The following GTF2IRD2 variants were observed in gnomAD, a reference collection of about 807,000 sequenced individuals.
GTF2IRD2 encodes the protein general transcription factor II-I repeat domain-containing protein 2A.
In GTF2IRD2, 8 loss-of-function variants were observed where a neutral mutation model predicts 49.2. The observed-to-expected ratio is 0.16, with a 90% CI of 0.10 to 0.29. The LOEUF (loss-of-function observed/expected upper bound fraction) is 0.29. Among genes scored for constraint, GTF2IRD2 ranks in the 10% least tolerant of loss-of-function variants. The pLI, the probability that GTF2IRD2 is intolerant of heterozygous loss-of-function variation, is 1.00. For missense variants in GTF2IRD2, 130 were observed against 725.7 expected (o/e 0.18, Z 9.43); for synonymous variants, 47 against 289.7 (o/e 0.16, Z 8.51).
chr7:74,813,377 C>CA (rs782221011), intron 8 of GTF2IRD2, among the ~76,000 whole-genome samples: 134 of 5,834 alleles, frequency 0.023, 25 homozygotes, highest in Admixed American at 0.034. Flanking sequence ...GACTCCATCT[C>CA]AAAAAAAAAA....
At chr7:74,830,380 T>C (rs1224940576) in intron 3 of GTF2IRD2, among the ~76,000 whole-genome samples, 1 of 147,696 alleles carries the variant, frequency 6.8e-6, no homozygotes, top group African/African-American at 2.5e-5. Flanking sequence ...AGCAGATGCC[T>C]GTAATCTCAG....
chr7:74,837,165 G>T (rs1422519101), intron 1 of GTF2IRD2, among the ~76,000 whole-genome samples: 1 of 16,486 alleles, frequency 6.1e-5, no homozygotes, highest in Non-Finnish European at 1.2e-4. Flanking sequence ...ACAGGCGTAA[G>T]CCACCGTGCC....
intron 3 of GTF2IRD2, among the ~76,000 whole-genome samples, chr7:74,831,578 A>G (rs1255066870): frequency 2.1e-5 from 3 of 141,280 alleles, no homozygotes; most frequent in Non-Finnish European, 4.6e-5. Context: ...TCTGATTTTT[A>G]TCCTTTCATG....
At chr7:74,847,266 T>A (rs1801370978) in intron 1 of GTF2IRD2, among the ~76,000 whole-genome samples, 1 of 20,656 alleles carries the variant, frequency 4.8e-5, no homozygotes, top group Non-Finnish European at 8.7e-5. Flanking sequence ...ATTATAGGCG[T>A]GAGCCACCAC....
chr7:74,840,726 C>T (rs1207396875), intron 1 of GTF2IRD2, among the ~76,000 whole-genome samples: 3 of 135,000 alleles, frequency 2.2e-5, no homozygotes, highest in African/African-American at 6.2e-5. Context: ...AGGCAGGTGA[C>T]GCCAGCTTAG....
chr7:74,797,645 C>T lies in GTF2IRD2; in HGVS notation c.1867G>A (p.Ala623Thr), dbSNP rs1554416432. ...LVSVASTGTP[A>T]MVDANNGLVT... is the part of the protein sequence containing the mutation. Reference sequence around the variant, plus strand: ...AGCCCGTTATTGGCATCCACCATCGCTGGGGTGCCAGTGGAGGCCACGCTT... The same window carrying T: ...AGCCCGTTATTGGCATCCACCATCGTTGGGGTGCCAGTGGAGGCCACGCTT... The change falls in exon 16 of 16, where the codon GCG becomes ACG. Residue 623 changes from alanine to threonine, a missense_variant. By Grantham distance (58) the Ala-to-Thr change is moderately conservative. Coordinates refer to ENST00000451013, the MANE Select transcript of GTF2IRD2 (RefSeq NM_173537.5). 1 of 1,606,094 alleles carries T rather than the reference C, an allele frequency of 6.2e-7. No individual in the cohort carries two copies. The highest frequency in any genetic ancestry group is 1.1e-5 in the South Asian group (1 of 90,620).
At position 74,842,384 on chromosome 7, in the gene GTF2IRD2, C is replaced by G. The variant is rs587704859; in HGVS notation, c.-5-6001G>C. Among the ~76,000 whole-genome samples the G allele has an allele frequency of 2.3e-4, 31 of 134,514 alleles. 2 individuals are homozygous for G. Among genetic ancestry groups the G allele is most frequent in the African/African-American group, 8.1e-4 (27 of 33,182 alleles). 88.2% of individuals were successfully genotyped at this position (134,514 alleles called of 152,430 possible). ...AGCTAGGATTACAGGCGTGCACCAC[C>G]ATGCCCAGCTAATTTTTTGTATTTG... is the stretch of plus-strand genomic sequence containing the variant. On this transcript the variant is annotated intron_variant, in intron 1 of 15. Coordinates refer to ENST00000451013, the MANE Select transcript of GTF2IRD2 (RefSeq NM_173537.5).
At chr7:74,836,859 C>T (rs1399711408) in intron 1 of GTF2IRD2, among the ~76,000 whole-genome samples, 32 of 145,874 alleles carry the variant, frequency 2.2e-4, no homozygotes, top group Admixed American at 6.7e-4. Flanking sequence ...AGCCACCACA[C>T]CCAACCCTGC....
At chr7:74,836,714 C>T (rs1435047910) in intron 1 of GTF2IRD2, among the ~76,000 whole-genome samples, 2 of 152,372 alleles carry the variant, frequency 1.3e-5, no homozygotes, top group Non-Finnish European at 2.9e-5. Flanking sequence ...TACAGGTGAG[C>T]GCCATCACGC....
intron 1 of GTF2IRD2, 65 bp downstream of exon 1, chr7:74,851,302 G>A (rs1262199307): frequency 2.2e-5 from 1 of 46,074 alleles, no homozygotes; most frequent in Non-Finnish European, 3.7e-5. Flanking sequence ...GCCCTCAGGA[G>A]GAGGACGTTC....
chr7:74,815,862 G>GA (rs1289257098), intron 8 of GTF2IRD2, among the ~76,000 whole-genome samples: 1 of 87,694 alleles, frequency 1.1e-5, no homozygotes, highest in Non-Finnish European at 2.4e-5. Flanking sequence ...AAGAAAGAAA[G>GA]AAAGAGAAAA....
At chr7:74,848,523 ACT>A (rs1554422671) in intron 1 of GTF2IRD2, among the ~76,000 whole-genome samples, 1 of 139,400 alleles carries the variant, frequency 7.2e-6, no homozygotes, top group African/African-American at 2.8e-5. Context: ...CCTGGGTAGG[ACT>A]CTGTCTCAAG....
At chr7:74,824,079 T>G (rs1799158923) in intron 4 of GTF2IRD2, among the ~76,000 whole-genome samples, 1 of 105,534 alleles carries the variant, frequency 9.5e-6, no homozygotes. Context: ...GGCAGGAAAA[T>G]GGCAGGAACC....
At chr7:74,819,908 T>C (rs1798804110) in intron 7 of GTF2IRD2, 61 bp downstream of exon 7, 1 of 1,595,208 alleles carries the variant, frequency 6.3e-7, no homozygotes, top group Admixed American at 1.7e-5. Flanking sequence ...GGCCTTTCTG[T>C]CATCCAAAAA....
In GTF2IRD2 at chr7:74,839,828, AC is replaced by A. The variant is rs781922378; in HGVS notation, c.-5-3446del. ...AGACCAGCCTGGCCAACATGGTGAG[AC>A]CCCCCCCTTCTCTACTAAAAATTAG... On this transcript the variant is annotated intron_variant, in intron 1 of 15. Coordinates refer to ENST00000451013, the MANE Select transcript of GTF2IRD2 (RefSeq NM_173537.5). 5.1e-4 allele frequency among the ~76,000 whole-genome samples: 39 copies of A among 75,860 alleles called. 1 individual carries two copies. Among genetic ancestry groups the A allele is most frequent in the Middle Eastern group, 0.02 (2 of 100 alleles). 49.8% of individuals were successfully genotyped at this position (75,860 alleles called of 152,430 possible). A position where few individuals can be genotyped will look rare whatever the true frequency, so the allele number is the denominator to read the frequency against.
Position 74,797,439 on chromosome 7 carries a change from G to T in GTF2IRD2, c.2073C>A (p.Phe691Leu). The T allele has an allele frequency of 2.5e-6, 4 of 1,610,688 alleles. No individual in the cohort carries two copies. The highest frequency in any genetic ancestry group is 3.4e-6 in the Non-Finnish European group (4 of 1,179,326). ...TGTCCAGCTCATAGAGCAAGGTTGT[G>T]AACTCACTGTGGTTCAGTCCCCGGG... The part of the protein sequence containing the change: ...ICSRGLNHSE[F>L]TTLLYELDSQ... The change falls in exon 16 of 16, where the codon TTC (phenylalanine) becomes TTA (leucine). Residue 691 changes from phenylalanine to leucine, a missense_variant. By Grantham distance (22) the Phe-to-Leu change is conservative. Coordinates refer to ENST00000451013, the MANE Select transcript of GTF2IRD2 (RefSeq NM_173537.5).
In GTF2IRD2 at chr7:74,796,249, T is replaced by C. The variant is rs1276142662; in HGVS notation, c.*413A>G. ...TTCTGATTCAAAGTGGAAAAAAAAC[T>C]GAAAAAAAAAAAAGTTTAAGAACTC... On this transcript the variant is annotated 3_prime_UTR_variant, in exon 16 of 16. Coordinates refer to ENST00000451013, the MANE Select transcript of GTF2IRD2 (RefSeq NM_173537.5). 4.0e-6 allele frequency: 1 copy of C among 248,022 alleles called. No individual in the cohort carries two copies. Among genetic ancestry groups the C allele is most frequent in the African/African-American group, 2.4e-5 (1 of 42,406 alleles). 15.4% of individuals were successfully genotyped at this position (248,022 alleles called of 1,614,324 possible). A position where few individuals can be genotyped will look rare whatever the true frequency, so the allele number is the denominator to read the frequency against.
intron 6 of GTF2IRD2, 158 bp downstream of exon 6, chr7:74,822,269 G>A (rs1284704227): frequency 1.8e-5 from 20 of 1,138,834 alleles, no homozygotes; most frequent in South Asian, 2.5e-5. Context: ...CAGGATGGTC[G>A]CGATCTCCTG....
rs1452941716 is a variant in GTF2IRD2, at chr7:74,851,546, T to TTTCC, written c.-189_-186dup. Reference sequence around the variant, plus strand: ...TCGCCCTCCTTTTTCTCTTTCTTTCTTTCCCCCCCTTTTCCCCCCTTTTTT... The same window carrying TTTCC: ...TCGCCCTCCTTTTTCTCTTTCTTTCTTTCCTTCCCCCCCTTTTCCCCCCTTTTTT... On this transcript the variant is annotated 5_prime_UTR_variant, in exon 1 of 16. Coordinates refer to ENST00000451013, the MANE Select transcript of GTF2IRD2 (RefSeq NM_173537.5). 5.0e-5 allele frequency: 2 copies of TTTCC among 40,092 alleles called. 1 individual carries two copies. Among genetic ancestry groups the TTTCC allele is most frequent in the Non-Finnish European group, 8.3e-5 (2 of 23,980 alleles). 2.5% of individuals were successfully genotyped at this position (40,092 alleles called of 1,614,324 possible).
Sources: allele counts gnomAD v4.1 joint callset (sites outside exome capture counted in the v4.1 genomes callset), GRCh38; gene constraint gnomAD v4.1.1; transcripts MANE v1.5; gene names NCBI Gene and HGNC (gene_info 2026-07-23, HGNC 2026-07-21).